TTC17: variants seen among roughly 807,000 people sequenced by gnomAD.
The protein encoded by TTC17 is tetratricopeptide repeat domain 17.
In TTC17, 58 loss-of-function variants were observed where a neutral mutation model predicts 143.8. The observed-to-expected ratio is 0.40, with a 90% CI of 0.33 to 0.50. The LOEUF (loss-of-function observed/expected upper bound fraction) is 0.50. TTC17 is among the 20% of genes least tolerant of loss of function. TTC17 has a pLI of 0.49. For missense variants in TTC17, 1,273 were observed against 1,392.5 expected, an observed-to-expected ratio of 0.91 and a Z score of 1.37; for synonymous variants, 501 against 497.8, an observed-to-expected ratio of 1.01 and a Z score of -0.09.
rs1855969529 is a variant in TTC17 at position 43,358,925 on chromosome 11, C to T, written c.-30C>T. On this transcript the variant is annotated 5_prime_UTR_variant, in exon 1 of 24. Transcript: ENST00000039989. ...GGCGCCGGAGACTAGCTTCCGCTTC[C>T]GGTGTGAGCGGCCCGGCCGGGGGGG... The T allele has an allele frequency of 3.2e-6, 5 of 1,542,514 alleles. No individual in the cohort carries two copies. Among genetic ancestry groups the T allele is most frequent in the Non-Finnish European group, 4.4e-6 (5 of 1,145,768 alleles).
At position 43,492,052 on chromosome 11, in the gene TTC17, G is replaced by A. The variant is rs1306472316; in HGVS notation, c.3183G>A (p.Leu1061=). 1.9e-6 allele frequency: 3 copies of A among 1,613,996 alleles called. No individual in the cohort carries two copies. Among genetic ancestry groups the A allele is most frequent in the Admixed American group, 1.7e-5 (1 of 60,012 alleles). The change falls in exon 23 of 24, where the codon TTG becomes TTA. Residue 1061 remains leucine (L), a synonymous_variant. Coordinates refer to ENST00000039989, the MANE Select transcript of TTC17 (RefSeq NM_018259.6). ...CCCTGATTAGCCTGGCCAACATCTTGCACAATGCCAAGCTCTGGAATGACG... is the reference window on the plus strand; with the variant it reads ...CCCTGATTAGCCTGGCCAACATCTTACACAATGCCAAGCTCTGGAATGACG... ...DVPLISLANI[L]HNAKLWNDAV... is the part of the protein sequence containing the mutation.
chr11:43,359,240 C>G, intron 1 of TTC17, 127 bp downstream of exon 1: 1 of 1,216,486 alleles, frequency 8.2e-7, no homozygotes, highest in Non-Finnish European at 1.1e-6. Context: ...GAGGTGGCAC[C>G]GCGACCTCGG....
intron 16 of TTC17, 80 bp downstream of exon 16, chr11:43,414,856 T>G (rs1017578333): frequency 1.4e-6 from 2 of 1,456,668 alleles, no homozygotes; most frequent in Non-Finnish European, 9.3e-7. Context: ...AGAAAATGAT[T>G]TTCTCTATTT....
Position 43,451,243 on chromosome 11 carries a change from G to A in TTC17, c.3008G>A (p.Arg1003Gln), listed in dbSNP as rs372683087. The A allele has an allele frequency of 2.5e-5, 40 of 1,613,268 alleles. No individual in the cohort carries two copies. The highest frequency in any genetic ancestry group is 3.3e-5 in the Non-Finnish European group (39 of 1,179,386). The part of the protein sequence containing the change: ...PQQSLEQIGT[R>Q]IAKVLEKNQT... ...CAGTCGCTTGAACAGATTGGCACCC[G>A]AATTGCCAAAGTTTTGGAAAAGGTA... is the stretch of plus-strand genomic sequence containing the variant. The change falls in exon 21 of 24, where the codon CGA (arginine) becomes CAA (glutamine). Residue 1003 changes from arginine to glutamine, a missense_variant. Physicochemically the swap from Arg to Gln is conservative, Grantham distance 43. Transcript: ENST00000039989.
chr11:43,374,388 C>T (rs1026373535), intron 1 of TTC17, among the ~76,000 whole-genome samples: 10 of 152,010 alleles, frequency 6.6e-5, no homozygotes, highest in African/African-American at 2.2e-4. Flanking sequence ...ACTAAGACCC[C>T]AAAAGCAATT....
At chr11:43,361,648 T>C (rs1272567731) in intron 1 of TTC17, among the ~76,000 whole-genome samples, 2 of 152,246 alleles carry the variant, frequency 1.3e-5, no homozygotes, top group Admixed American at 1.3e-4. Context: ...TGCAGCATTG[T>C]AAAGTCAAGA....
intron 21 of TTC17, chr11:43,486,578 G>T (rs1387735396): frequency 1.8e-5 from 5 of 282,218 alleles, no homozygotes; most frequent in Non-Finnish European, 3.0e-5. Context: ...GAATAATAAA[G>T]ATAACATTTA....
intron 23 of TTC17, among the ~76,000 whole-genome samples, chr11:43,492,779 GATC>G (rs776678356): frequency 2.0e-5 from 3 of 152,198 alleles, no homozygotes; most frequent in Non-Finnish European, 4.4e-5. Context: ...AAGTCATCCA[GATC>G]CCTCATTCTG....
chr11:43,465,717 G>C (rs1290167555), intron 21 of TTC17, among the ~76,000 whole-genome samples: 2 of 152,142 alleles, frequency 1.3e-5, no homozygotes, highest in East Asian at 3.8e-4. Context: ...AGTGGTGTTA[G>C]GGAAACTGTA....
Position 43,381,239 on chromosome 11 carries a change from T to C in TTC17, c.249+1917T>C, listed in dbSNP as rs74708873. On this transcript the variant is annotated intron_variant, in intron 2 of 23. Coordinates refer to ENST00000039989, the MANE Select transcript of TTC17 (RefSeq NM_018259.6). ...AGCTTCTGCTTCATATGCATAGCAG[T>C]GCCAGGTAAAATATAAAAATATAAA... Among the ~76,000 whole-genome samples the C allele has an allele frequency of 5.1e-3, 773 of 152,242 alleles. 6 individuals carry two copies. The highest frequency in any genetic ancestry group is 0.018 in the African/African-American group (748 of 41,512).
At chr11:43,448,879 G>T (rs1947603336) in intron 19 of TTC17, 1 of 151,710 alleles carries the variant, frequency 6.6e-6, no homozygotes. Flanking sequence ...TTAGTAAATA[G>T]CTCCAGTAAT....
intron 5 of TTC17, among the ~76,000 whole-genome samples, chr11:43,392,898 G>A (rs1012948803): frequency 4.6e-5 from 7 of 152,146 alleles, no homozygotes; most frequent in African/African-American, 7.2e-5. Context: ...ATCCGGAAAC[G>A]TGAAATTTAA....
At chr11:43,472,715 T>C (rs1564979294) in intron 21 of TTC17, among the ~76,000 whole-genome samples, 1 of 152,136 alleles carries the variant, frequency 6.6e-6, no homozygotes, top group African/African-American at 2.4e-5. Flanking sequence ...AAACTACTCA[T>C]TTTTAAAAAG....
At chr11:43,393,866 G>A (rs1857480718) in intron 5 of TTC17, among the ~76,000 whole-genome samples, 1 of 152,330 alleles carries the variant, frequency 6.6e-6, no homozygotes, top group South Asian at 2.1e-4. Context: ...ATAGTCTGGA[G>A]GCTGGGAAGT....
Position 43,395,868 on chromosome 11 carries a change from A to G in TTC17, c.664-841A>G, listed in dbSNP as rs1857569581. Among the ~76,000 whole-genome samples the G allele has an allele frequency of 1.3e-5, 2 of 152,288 alleles. 1 individual carries two copies. The highest frequency in any genetic ancestry group is 4.1e-4 in the South Asian group (2 of 4,824). On this transcript the variant is annotated intron_variant, in intron 5 of 23. Transcript: ENST00000039989. ...ACTGGTTTGTAATATATTCTTTTGG[A>G]GTTTGATTTTTACACAGCTTTATAG...
chr11:43,447,290 T>C (rs1947564430), intron 18 of TTC17, among the ~76,000 whole-genome samples: 1 of 152,132 alleles, frequency 6.6e-6, no homozygotes, highest in Non-Finnish European at 1.5e-5. Flanking sequence ...GCACTTAGCA[T>C]GGGATCTGAA....
In TTC17 at chr11:43,382,501, G is replaced by C. The variant is rs1187248199; in HGVS notation, c.249+3179G>C. Among the ~76,000 whole-genome samples, 6 of 152,074 alleles carry C rather than the reference G, an allele frequency of 3.9e-5. No homozygotes were observed. The East Asian group carries it at 1.2e-3, about 29-fold the overall frequency. On this transcript the variant is annotated intron_variant, in intron 2 of 23. Transcript: ENST00000039989. ...TCATGTTCAAAAGATAAAAATAACTGAATAAATTAAAATCCTATGGGAAAA... is the reference window on the plus strand; with the variant it reads ...TCATGTTCAAAAGATAAAAATAACTCAATAAATTAAAATCCTATGGGAAAA...
At chr11:43,409,763 T>C (rs901667285) in intron 15 of TTC17, among the ~76,000 whole-genome samples, 2 of 152,230 alleles carry the variant, frequency 1.3e-5, no homozygotes, top group African/African-American at 4.8e-5. Flanking sequence ...CAAGTTTCGC[T>C]TGCTTAAAAA....
chr11:43,398,973 C>A (rs1857732916), intron 8 of TTC17, among the ~76,000 whole-genome samples: 1 of 146,510 alleles, frequency 6.8e-6, no homozygotes, highest in East Asian at 1.9e-4. Flanking sequence ...CTGGCTCTAT[C>A]TTTACACAAT....
Sources: gnomAD v4.1 joint callset for allele counts (sites outside exome capture counted in the v4.1 genomes callset) on GRCh38, gnomAD v4.1.1 for gene constraint, MANE v1.5 for transcripts, NCBI Gene and HGNC (gene_info 2026-07-23, HGNC 2026-07-21) for gene names.